The following SVEP1 variants were observed in gnomAD, a reference collection of about 807,000 sequenced individuals.
SVEP1 encodes the protein sushi, von Willebrand factor type A, EGF and pentraxin domain-containing protein 1.
A neutral mutation model predicts 367.3 loss-of-function variants in SVEP1; 164 were observed. That is an observed-to-expected ratio of 0.45 (90% CI 0.39 to 0.51). SVEP1 has a LOEUF of 0.51. Ranked by LOEUF, SVEP1 falls within the 20% of genes least tolerant of loss-of-function variation. The pLI is 0.00. For synonymous variants in SVEP1, 1,666 were observed against 1,611.6 expected (o/e 1.03, Z -0.81); for missense variants, 4,117 against 4,425.3 (o/e 0.93, Z 1.98).
chr9:110,556,469 C>T (rs747637387), intron 1 of SVEP1, among the ~76,000 whole-genome samples: 4 of 152,066 alleles, frequency 2.6e-5, no homozygotes, highest in African/African-American at 4.8e-5. Context: ...TAACTAGAGA[C>T]GCTAATAAAG....
chr9:110,470,215 G>A (rs1378021597), intron 16 of SVEP1, among the ~76,000 whole-genome samples: 1 of 152,162 alleles, frequency 6.6e-6, no homozygotes, highest in Non-Finnish European at 1.5e-5. Context: ...AGAATAGGGA[G>A]TGACTTTAAT....
rs541331589 is a variant in SVEP1, at chr9:110,495,238, GC to G, written c.1800+1576del. Among the ~76,000 whole-genome samples, 913 of 151,906 alleles carry G rather than the reference GC, an allele frequency of 6.0e-3. 7 individuals carry two copies. Among genetic ancestry groups the G allele is most frequent in the Middle Eastern group, 0.017 (5 of 294 alleles). Reference sequence around the variant, plus strand: ...CCCCCATGTAGTAGGCTGAATAACGGCCCCCCCAAAGATCATCCATGTTCTA... The same window carrying G: ...CCCCCATGTAGTAGGCTGAATAACGGCCCCCCAAAGATCATCCATGTTCTA... On this transcript the variant is annotated intron_variant, in intron 8 of 47. Transcript: ENST00000374469.
rs372259349 is a variant in SVEP1, at chr9:110,459,061, T to C, written c.3375A>G (p.Pro1125=). ...FSRSGLMPCH[P]CPRDYYQPNA... ...TAGGTTGGTAATAGTCACGAGGACA[T>C]GGGTGACAGGGCATTAACCCAGAAC... The change falls in exon 19 of 48, where the codon CCA becomes CCG. Residue 1125 remains proline, a synonymous_variant. Coordinates refer to ENST00000374469, the MANE Select transcript of SVEP1 (RefSeq NM_153366.4). 6.2e-7 allele frequency: 1 copy of C among 1,613,834 alleles called. No homozygotes were observed. The highest frequency in any genetic ancestry group is 8.5e-7 in the Non-Finnish European group (1 of 1,179,772).
intron 38 of SVEP1, among the ~76,000 whole-genome samples, 192 bp downstream of exon 38, chr9:110,405,968 T>A (rs950050726): frequency 1.3e-5 from 2 of 152,280 alleles, no homozygotes; most frequent in East Asian, 3.9e-4. Context: ...GAAAAAAGTA[T>A]CGATTTATTT....
intron 4 of SVEP1, among the ~76,000 whole-genome samples, chr9:110,513,501 C>A (rs1829755119): frequency 6.6e-6 from 1 of 152,084 alleles, no homozygotes; most frequent in Non-Finnish European, 1.5e-5. Context: ...AGAGCCACAG[C>A]TTCTTGCACA....
chr9:110,443,008 C>T (rs1828536730), intron 27 of SVEP1: 1 of 152,144 alleles, frequency 6.6e-6, no homozygotes, highest in Non-Finnish European at 1.5e-5. Context: ...TATGCATATA[C>T]TTCTATAGAT....
intron 18 of SVEP1, among the ~76,000 whole-genome samples, chr9:110,459,314 T>C (rs1588064015): frequency 6.6e-6 from 1 of 152,340 alleles, no homozygotes; most frequent in East Asian, 1.9e-4. Context: ...CATGTTAACT[T>C]AATAAAGTTT....
intron 35 of SVEP1, among the ~76,000 whole-genome samples, chr9:110,428,429 C>CACACACACACACAA (rs60798857): frequency 5.6e-4 from 85 of 151,222 alleles, no homozygotes; most frequent in African/African-American, 2.0e-3. Context: ...CACACACACA[C>CACACACACACACAA]CATTAATCTC....
chr9:110,396,719 A>C (rs1286307135), intron 40 of SVEP1, among the ~76,000 whole-genome samples: 8 of 151,676 alleles, frequency 5.3e-5, no homozygotes, highest in Non-Finnish European at 8.8e-5. Context: ...AAACACCTCT[A>C]GGCAAATAAA....
chr9:110,400,370 C>CT (rs112666557), intron 40 of SVEP1, among the ~76,000 whole-genome samples: 38,787 of 146,988 alleles, frequency 0.26, 5,358 homozygotes, highest in South Asian at 0.33. Flanking sequence ...ACTTATTTTG[C>CT]TTTTTTTTTT....
intron 3 of SVEP1, among the ~76,000 whole-genome samples, chr9:110,536,338 G>A (rs991228517): frequency 3.3e-5 from 5 of 151,886 alleles, no homozygotes; most frequent in African/African-American, 1.2e-4. Context: ...CTTTATAGTT[G>A]AATGACATTA....
At chr9:110,509,930 T>C (rs557332487) in intron 5 of SVEP1, among the ~76,000 whole-genome samples, 18 of 152,316 alleles carry the variant, frequency 1.2e-4, no homozygotes, top group Non-Finnish European at 7.3e-5. Flanking sequence ...GTTAGTTACA[T>C]TGGGAAATAT....
chr9:110,486,859 G>A (rs750353534), intron 9 of SVEP1, among the ~76,000 whole-genome samples: 13 of 151,752 alleles, frequency 8.6e-5, no homozygotes, highest in Non-Finnish European at 1.8e-4. Flanking sequence ...TGGCCAGGCT[G>A]GTCTCGAGCT....
chr9:110,375,713 T>G (rs1827341954), intron 45 of SVEP1, among the ~76,000 whole-genome samples: 1 of 151,028 alleles, frequency 6.6e-6, no homozygotes, highest in South Asian at 2.1e-4. Context: ...CCACTTTCAG[T>G]GAAGACACTC....
intron 3 of SVEP1, among the ~76,000 whole-genome samples, chr9:110,519,655 T>TGGCCAG (rs1399371068): frequency 6.6e-6 from 1 of 152,166 alleles, no homozygotes; most frequent in Non-Finnish European, 1.5e-5. Flanking sequence ...GTCCAGCCAA[T>TGGCCAG]TGCCTGAGCT....
chr9:110,393,506 G>T (rs1025596843), intron 40 of SVEP1, among the ~76,000 whole-genome samples: 1 of 152,190 alleles, frequency 6.6e-6, no homozygotes, highest in Non-Finnish European at 1.5e-5. Context: ...TCTCACTGGG[G>T]AGTGCCAGAC....
chr9:110,385,635 T>TTTAATACCTTGCTCATTC (rs1263591615), intron 43 of SVEP1, among the ~76,000 whole-genome samples: 1 of 152,256 alleles, frequency 6.6e-6, no homozygotes, highest in Non-Finnish European at 1.5e-5. Context: ...GTATTTTGAA[T>TTTAATACCTTGCTCATTC]TTAATACCTT....
chr9:110,455,823 G>GA, intron 21 of SVEP1, 120 bp from the exon 22 acceptor site: 7 of 307,716 alleles, frequency 2.3e-5, no homozygotes, highest in South Asian at 5.7e-5. Context: ...AGTGGTAAAG[G>GA]GTAATATTCA....
At chr9:110,566,148 T>A (rs775450442) in intron 1 of SVEP1, among the ~76,000 whole-genome samples, 4 of 151,612 alleles carry the variant, frequency 2.6e-5, no homozygotes, top group Non-Finnish European at 5.9e-5. Flanking sequence ...CAAAACCACA[T>A]CTCTACAAAA....
Sources: allele counts gnomAD v4.1 joint callset (sites outside exome capture counted in the v4.1 genomes callset), GRCh38; gene constraint gnomAD v4.1.1; transcripts MANE v1.5; gene names NCBI Gene and HGNC (gene_info 2026-07-23, HGNC 2026-07-21).